Variants in METTL25 observed in about 807,000 individuals in gnomAD.
METTL25 encodes methyltransferase like 25, also known as probable methyltransferase-like protein 25.
METTL25 carries 64 observed loss-of-function variants against 71.6 expected under a neutral mutation model. The observed-to-expected ratio is 0.89, with a 90% confidence interval of 0.73 to 1.10. The LOEUF (loss-of-function observed/expected upper bound fraction) is 1.10. METTL25 is among the 50% of genes least tolerant of loss of function. The pLI is 0.00. For synonymous variants in METTL25, 287 were observed against 250.3 expected (o/e 1.15, Z -1.38); for missense variants, 807 against 707.0 (o/e 1.14, Z -1.60).
intron 9 of METTL25, among the ~76,000 whole-genome samples, chr12:82,458,882 T>C (rs1891672084): frequency 6.6e-6 from 1 of 152,112 alleles, no homozygotes; most frequent in Non-Finnish European, 1.5e-5. Flanking sequence ...CTAGCCATCC[T>C]GTGCCACCCA....
intron 5 of METTL25, among the ~76,000 whole-genome samples, chr12:82,418,228 G>C (rs1888155369): frequency 6.6e-6 from 1 of 152,128 alleles, no homozygotes; most frequent in South Asian, 2.1e-4. Context: ...GTCATTTATT[G>C]ATCTGGATAT....
rs978908320 is a variant in METTL25, at chr12:82,430,180, T to A, written c.1280-713T>A. ...CCAGGTCTTAATTTAAAATAGAAAT[T>A]GCTTTTTTTTTCTTTTCAAAAACCC... is the stretch of plus-strand genomic sequence containing the variant. On this transcript the variant is annotated intron_variant, in intron 5 of 11. Transcript: ENST00000248306. Among the ~76,000 whole-genome samples, 5 of 151,344 alleles carry A rather than the reference T, an allele frequency of 3.3e-5. No homozygotes were observed. In the South Asian group the frequency reaches 1.0e-3, roughly 31 times the overall value.
chr12:82,403,098 T>C lies in METTL25; in HGVS notation c.1247T>C (p.Leu416Pro). The stretch of plus-strand genomic sequence containing the variant: ...TGCAGTGTGGGTTGTTGCTACCACC[T>C]CTTATCTGAAGAATTTGAAAACCAG... ...GVCSVGCCYH[L>P]LSEEFENQHK... is the part of the protein sequence containing the mutation. Residue 416 changes from leucine (L) to proline (P), a missense_variant, in exon 5 of 12, where the codon CTC becomes CCC. Coordinates refer to ENST00000248306, the MANE Select transcript of METTL25 (RefSeq NM_032230.3). The C allele has an allele frequency of 6.2e-7, 1 of 1,612,856 alleles. No homozygotes were observed. The highest frequency in any genetic ancestry group is 8.5e-7 in the Non-Finnish European group (1 of 1,179,418).
chr12:82,363,310 A>G (rs1312481620), intron 1 of METTL25, among the ~76,000 whole-genome samples: 1 of 152,208 alleles, frequency 6.6e-6, no homozygotes, highest in Non-Finnish European at 1.5e-5. Flanking sequence ...TTCCTAAAGT[A>G]CATACAACTT....
At chr12:82,389,964 C>A (rs375677021) in intron 3 of METTL25, 42 bp downstream of exon 3, 63 of 1,123,606 alleles carry the variant, frequency 5.6e-5, no homozygotes, top group Non-Finnish European at 6.6e-5. Flanking sequence ...AAAATTATTG[C>A]CACTTTTTGG....
chr12:82,409,483 G>C (rs954303980), intron 5 of METTL25, among the ~76,000 whole-genome samples: 14 of 151,978 alleles, frequency 9.2e-5, no homozygotes, highest in East Asian at 1.9e-4. Flanking sequence ...CCTGATAAAA[G>C]GTATAAATAG....
chr12:82,385,925 G>T (rs1300785699), intron 1 of METTL25, among the ~76,000 whole-genome samples: 1 of 152,028 alleles, frequency 6.6e-6, no homozygotes, highest in Non-Finnish European at 1.5e-5. Flanking sequence ...CCTGAAAATG[G>T]TATGGTTCAC....
chr12:82,452,830 C>T (rs529322219), intron 8 of METTL25, among the ~76,000 whole-genome samples: 4 of 151,920 alleles, frequency 2.6e-5, no homozygotes, highest in Non-Finnish European at 4.4e-5. Flanking sequence ...AGCCATGCAC[C>T]GTATATTGAA....
intron 8 of METTL25, among the ~76,000 whole-genome samples, chr12:82,452,189 C>T (rs2137239208): frequency 6.6e-6 from 1 of 152,248 alleles, no homozygotes; most frequent in East Asian, 1.9e-4. Flanking sequence ...TGTGAATTTT[C>T]TTTTATAGCG....
intron 1 of METTL25, among the ~76,000 whole-genome samples, chr12:82,370,672 A>G (rs1883126898): frequency 6.6e-6 from 1 of 150,964 alleles, no homozygotes; most frequent in South Asian, 2.1e-4. Context: ...TTTTAAAGCA[A>G]TGGGGTATAC....
At chr12:82,466,852 T>A (rs1447030270) in intron 9 of METTL25, among the ~76,000 whole-genome samples, 1 of 152,130 alleles carries the variant, frequency 6.6e-6, no homozygotes, top group African/African-American at 2.4e-5. Context: ...AGTTTCTCTC[T>A]TTATAGCTAT....
rs1357228813 is a variant in METTL25 at position 82,386,837 on chromosome 12, T to C, written c.294T>C (p.Thr98=). 1.2e-6 allele frequency: 2 copies of C among 1,613,360 alleles called. No homozygotes were observed. Among genetic ancestry groups the C allele is most frequent in the Admixed American group, 1.7e-5 (1 of 59,906 alleles). ...ATTTTCCCAAAATATTTTGTGAAACTTCTCAGAAGTTGGTGAGTGTGGAAG... is the reference window on the plus strand; with the variant it reads ...ATTTTCCCAAAATATTTTGTGAAACCTCTCAGAAGTTGGTGAGTGTGGAAG... The part of the protein sequence containing the change: ...MTDFPKIFCE[T]SQKLVSVEAF... The change falls in exon 2 of 12, where the codon ACT becomes ACC. Residue 98 remains threonine (T), a synonymous_variant. Coordinates refer to ENST00000248306, the MANE Select transcript of METTL25 (RefSeq NM_032230.3).
intron 1 of METTL25, among the ~76,000 whole-genome samples, chr12:82,383,577 G>C (rs755202734): frequency 6.6e-6 from 1 of 152,090 alleles, no homozygotes; most frequent in Non-Finnish European, 1.5e-5. Context: ...ACAGTGCCTG[G>C]CACATAGTAT....
chr12:82,449,407 A>G (rs1436195610), intron 8 of METTL25, among the ~76,000 whole-genome samples: 2 of 152,138 alleles, frequency 1.3e-5, no homozygotes, highest in Non-Finnish European at 2.9e-5. Flanking sequence ...ACAGCTGCCC[A>G]TGCACACCGT....
chr12:82,411,884 G>A (rs1887583690), intron 5 of METTL25, among the ~76,000 whole-genome samples: 2 of 152,044 alleles, frequency 1.3e-5, no homozygotes, highest in African/African-American at 2.4e-5. Context: ...GGAACAAGAT[G>A]CTTCCAAATT....
At chr12:82,415,652 A>G (rs1320676734) in intron 5 of METTL25, among the ~76,000 whole-genome samples, 1 of 152,124 alleles carries the variant, frequency 6.6e-6, no homozygotes, top group East Asian at 1.9e-4. Context: ...CGGATGTCTC[A>G]GCTTATGCAG....
chr12:82,434,663 T>A lies in METTL25; in HGVS notation c.1375-32T>A, dbSNP rs759076345. ...TATAAATCTTATAAGACTCAATATA[T>A]CAACAATCTGTCTTGTTTTTTTCCC... On this transcript the variant is annotated intron_variant, in intron 6 of 11. Transcript: ENST00000248306. 6 of 1,566,552 alleles carry A rather than the reference T, an allele frequency of 3.8e-6. No individual in the cohort carries two copies. In the South Asian group the frequency reaches 6.7e-5, roughly 17 times the overall value.
chr12:82,368,997 T>A (rs1271123212), intron 1 of METTL25, among the ~76,000 whole-genome samples: 1 of 152,230 alleles, frequency 6.6e-6, no homozygotes, highest in Non-Finnish European at 1.5e-5. Context: ...TCAACACTTC[T>A]CTTGGAATTT....
At chr12:82,478,522 T>G (rs1056247542) in intron 11 of METTL25, among the ~76,000 whole-genome samples, 1 of 151,678 alleles carries the variant, frequency 6.6e-6, no homozygotes, top group African/African-American at 2.4e-5. Flanking sequence ...TGCATATTAT[T>G]TGTACTTTAA....
Sources: gnomAD v4.1 joint callset for allele counts (sites outside exome capture counted in the v4.1 genomes callset) on GRCh38, gnomAD v4.1.1 for gene constraint, MANE v1.5 for transcripts, NCBI Gene and HGNC (gene_info 2026-07-23, HGNC 2026-07-21) for gene names.